The following ANKRD46 variants were observed in gnomAD, a reference collection of about 807,000 sequenced individuals.
The protein encoded by ANKRD46 is ankyrin repeat domain 46.
In ANKRD46, 13 loss-of-function variants were observed where a neutral mutation model predicts 19.8. That is an observed-to-expected ratio of 0.66 (90% CI 0.43 to 1.04). ANKRD46 has a LOEUF of 1.04. ANKRD46 is among the 50% of genes least tolerant of loss of function. ANKRD46 has a pLI of 0.00. For missense variants in ANKRD46, 185 were observed against 274.8 expected, an observed-to-expected ratio of 0.67 and a Z score of 2.31; for synonymous variants, 91 against 106.9, an observed-to-expected ratio of 0.85 and a Z score of 0.92.
At position 100,551,783 on chromosome 8, in the gene ANKRD46, C is replaced by T. The variant is rs916174161; in HGVS notation, c.-131+7928G>A. The T allele has an allele frequency of 6.7e-6, 3 of 448,150 alleles. No individual in the cohort carries two copies. In the East Asian group the frequency reaches 1.4e-4, roughly 21 times the overall value. 27.8% of individuals were successfully genotyped at this position (448,150 alleles called of 1,614,324 possible). On this transcript the variant is annotated intron_variant, in intron 1 of 4. Coordinates refer to ENST00000335659, the MANE Select transcript of ANKRD46 (RefSeq NM_001270377.2). ...AGTGACCTCAGCCAGCACCCATACC[C>T]ACCTCTCTTTTTGTTGAGTTTTAAG...
rs1410572889 is a variant in ANKRD46, at chr8:100,521,164, A to G, written c.*1391T>C. The G allele has an allele frequency of 2.0e-6, 2 of 985,132 alleles. No homozygotes were observed. Among genetic ancestry groups the G allele is most frequent in the East Asian group, 1.1e-4 (1 of 8,812 alleles). 61.0% of individuals were successfully genotyped at this position (985,132 alleles called of 1,614,324 possible). A position where few individuals can be genotyped will look rare whatever the true frequency, so the allele number is the denominator to read the frequency against. On this transcript the variant is annotated 3_prime_UTR_variant, in exon 5 of 5. Transcript: ENST00000335659. ...AAAGCCACATGAAAGAGCAAGCCTC[A>G]ATACTAGATACATAGATACAAGAGA...
downstream of ANKRD46, among the ~76,000 whole-genome samples, chr8:100,517,832 A>T (rs1489601000): frequency 6.6e-6 from 1 of 152,220 alleles, no homozygotes; most frequent in Non-Finnish European, 1.5e-5. Context: ...TGTTCTATTA[A>T]CTTTGGGAAA....
downstream of ANKRD46, among the ~76,000 whole-genome samples, chr8:100,516,531 A>C (rs982738729): frequency 1.3e-5 from 2 of 152,254 alleles, no homozygotes; most frequent in East Asian, 1.9e-4. Flanking sequence ...AAACAACTTA[A>C]GTAGGCTAAA....
intron 5 of ANKRD46, among the ~76,000 whole-genome samples, chr8:100,515,508 A>G (rs1811615547): frequency 6.6e-6 from 1 of 152,190 alleles, no homozygotes; most frequent in Non-Finnish European, 1.5e-5. Flanking sequence ...CCACATCCTC[A>G]GCTATGACTA....
chr8:100,520,057 G>A (rs1002663437), downstream of ANKRD46, among the ~76,000 whole-genome samples: 5 of 152,092 alleles, frequency 3.3e-5, no homozygotes, highest in Non-Finnish European at 7.4e-5. Flanking sequence ...ACAGAGAAAC[G>A]GATCAAGGAA....
Position 100,536,401 on chromosome 8 carries a change from T to G in ANKRD46, c.-130-3090A>C, listed in dbSNP as rs1812065519. Among the ~76,000 whole-genome samples, 2 of 152,132 alleles carry G rather than the reference T, an allele frequency of 1.3e-5. No homozygotes were observed. The highest frequency in any genetic ancestry group is 2.9e-5 in the Non-Finnish European group (2 of 68,024). ...AAAAACTTGATTACTCCACCCAGAA[T>G]GTATATGGAGCTGGACTGCCTGGGT... On this transcript the variant is annotated intron_variant, in intron 1 of 4. Transcript: ENST00000335659. This position sits in a 1 kb window ranked among gnomAD's most constrained non-coding sequence, Gnocchi z 4.9.
At chr8:100,558,350 C>T (rs1232447449) in intron 1 of ANKRD46, among the ~76,000 whole-genome samples, 2 of 152,126 alleles carry the variant, frequency 1.3e-5, no homozygotes. Flanking sequence ...CTTTGATTTC[C>T]CTCTGGTACT....
rs1418402130 is a variant in ANKRD46 at position 100,550,326 on chromosome 8, G to A, written c.-131+9385C>T. ...TAATCCACATTCTCACCAGCATTTG[G>A]TGTTGTCAGCGTTCTAGATTTTAGT... On this transcript the variant is annotated intron_variant, in intron 1 of 4. Coordinates refer to ENST00000335659, the MANE Select transcript of ANKRD46 (RefSeq NM_001270377.2). The surrounding 1 kb of genome is among the most constrained non-coding windows in gnomAD (Gnocchi z 4.4). 6.6e-6 allele frequency among the ~76,000 whole-genome samples: 1 copy of A among 152,168 alleles called. No individual in the cohort carries two copies. The highest frequency in any genetic ancestry group is 1.5e-5 in the Non-Finnish European group (1 of 68,030).
At chr8:100,512,124 T>C (rs545954992) in intron 5 of ANKRD46, among the ~76,000 whole-genome samples, 2 of 152,330 alleles carry the variant, frequency 1.3e-5, no homozygotes, top group East Asian at 1.9e-4. Flanking sequence ...AACTTCTTTA[T>C]TGTGAGAATG....
rs1563925170 is a variant in ANKRD46, at chr8:100,522,303, A to G, written c.*252T>C. 4 of 1,289,542 alleles carry G rather than the reference A, an allele frequency of 3.1e-6. No homozygotes were observed. Among genetic ancestry groups the G allele is most frequent in the Non-Finnish European group, 3.9e-6 (4 of 1,015,388 alleles). The allele number at this position is 1,289,542 out of a possible 1,614,324, so 79.9% of individuals were successfully genotyped here. On this transcript the variant is annotated 3_prime_UTR_variant, in exon 5 of 5. Coordinates refer to ENST00000335659, the MANE Select transcript of ANKRD46 (RefSeq NM_001270377.2). ...AGTCACTTCCGTGTTTTTATCAAAC[A>G]AGGCTACGTGTAGGCTTTCCTACAA...
rs1220932465 is a variant in ANKRD46 at position 100,529,778 on chromosome 8, G to C, written c.56C>G (p.Ala19Gly). 1.2e-6 allele frequency: 2 copies of C among 1,614,080 alleles called. No homozygotes were observed. The highest frequency in any genetic ancestry group is 1.3e-5 in the African/African-American group (1 of 74,912). The change falls in exon 3 of 5, where the codon GCC becomes GGC. Residue 19 changes from alanine (A) to glycine (G), a missense_variant. Ala to Gly is a moderately conservative substitution (Grantham distance 60). Transcript: ENST00000335659. This position sits in a 1 kb window ranked among gnomAD's most constrained non-coding sequence, Gnocchi z 5.8. ...SSQTNVPLLQ[A>G]CIDGDFNYSK... Reference sequence around the variant, plus strand: ...ATAATTAAAGTCCCCATCAATACAGGCTTGCAGCAAGGGCACGTTAGTCTG... The same window carrying C: ...ATAATTAAAGTCCCCATCAATACAGCCTTGCAGCAAGGGCACGTTAGTCTG...
chr8:100,530,096 C>T (rs539074604), intron 2 of ANKRD46, among the ~76,000 whole-genome samples: 3 of 152,250 alleles, frequency 2.0e-5, no homozygotes, highest in African/African-American at 4.8e-5. Flanking sequence ...CTCTATTTTG[C>T]TTTTCACCAT....
chr8:100,534,752 G>A lies in ANKRD46; in HGVS notation c.-130-1441C>T, dbSNP rs186755742. ...AATGTTCTCTTAAATCCACAAGAAG[G>A]ACAATGCTTCTGCAATTTTTTCTTT... On this transcript the variant is annotated intron_variant, in intron 1 of 4. Coordinates refer to ENST00000335659, the MANE Select transcript of ANKRD46 (RefSeq NM_001270377.2). The surrounding 1 kb of genome is among the most constrained non-coding windows in gnomAD (Gnocchi z 4.2). 2.0e-5 allele frequency among the ~76,000 whole-genome samples: 3 copies of A among 152,254 alleles called. No individual in the cohort carries two copies. The East Asian group carries it at 5.8e-4, about 29-fold the overall frequency.
At position 100,521,737 on chromosome 8, in the gene ANKRD46, A is replaced by C; in HGVS notation, c.*818T>G. 1 of 985,392 alleles carries C rather than the reference A, an allele frequency of 1.0e-6. No homozygotes were observed. Among genetic ancestry groups the C allele is most frequent in the African/African-American group, 1.7e-5 (1 of 57,370 alleles). The allele number at this position is 985,392 out of a possible 1,614,324, so 61.0% of individuals were successfully genotyped here. On this transcript the variant is annotated 3_prime_UTR_variant, in exon 5 of 5. Transcript: ENST00000335659. ...TAGCACTACAGAATTATGACAGTTA[A>C]ATATCAGAATTATTTTTCCCTGCTA... is the stretch of plus-strand genomic sequence containing the variant.
In ANKRD46 at chr8:100,550,746, GC is replaced by G; in HGVS notation, c.-131+8964del. The G allele has an allele frequency of 2.3e-6, 1 of 432,496 alleles. No individual in the cohort carries two copies. Among genetic ancestry groups the G allele is most frequent in the Non-Finnish European group, 4.5e-6 (1 of 221,914 alleles). The allele number at this position is 432,496 out of a possible 1,614,324, so 26.8% of individuals were successfully genotyped here. ...GTCTTACTCCTTGGAGGCCATATGGGCCACCACCCTGTTGCTGTAGCCAAAT... is the reference window on the plus strand; with the variant it reads ...GTCTTACTCCTTGGAGGCCATATGGGCACCACCCTGTTGCTGTAGCCAAAT... On this transcript the variant is annotated intron_variant, in intron 1 of 4. Coordinates refer to ENST00000335659, the MANE Select transcript of ANKRD46 (RefSeq NM_001270377.2). The surrounding 1 kb of genome is among the most constrained non-coding windows in gnomAD (Gnocchi z 4.4).
intron 1 of ANKRD46, among the ~76,000 whole-genome samples, chr8:100,549,107 C>T (rs1247074587): frequency 7.3e-6 from 1 of 137,672 alleles, no homozygotes; most frequent in East Asian, 2.0e-4. Context: ...GGAATACTAG[C>T]ATTAATGCTG....
chr8:100,517,905 A>C (rs1364385250), downstream of ANKRD46, among the ~76,000 whole-genome samples: 4 of 152,242 alleles, frequency 2.6e-5, no homozygotes, highest in African/African-American at 9.6e-5. Context: ...AGATGACTAC[A>C]TAAGGCTGGG....
In ANKRD46 at chr8:100,545,111, G is replaced by A. The variant is rs1812246406; in HGVS notation, c.-130-11800C>T. ...AGGCAGAGGTGGGAGAATTGCTTGA[G>A]CCCAGGCATTCGAGACAAGCCTGGG... On this transcript the variant is annotated intron_variant, in intron 1 of 4. Coordinates refer to ENST00000335659, the MANE Select transcript of ANKRD46 (RefSeq NM_001270377.2). The surrounding 1 kb of genome is among the most constrained non-coding windows in gnomAD (Gnocchi z 4.7). 6.6e-6 allele frequency among the ~76,000 whole-genome samples: 1 copy of A among 152,140 alleles called. No homozygotes were observed. Among genetic ancestry groups the A allele is most frequent in the Non-Finnish European group, 1.5e-5 (1 of 68,028 alleles).
Position 100,527,786 on chromosome 8 carries a change from G to A in ANKRD46, c.470+59C>T. On this transcript the variant is annotated intron_variant, in intron 4 of 4. Coordinates refer to ENST00000335659, the MANE Select transcript of ANKRD46 (RefSeq NM_001270377.2). The surrounding 1 kb of genome is among the most constrained non-coding windows in gnomAD (Gnocchi z 4.0). ...AGGCTGAGGCAGGAAGAATGCTTGA[G>A]CCCAGGAGTTCAAGGAATGAGTAAT... 1.3e-6 allele frequency: 2 copies of A among 1,525,106 alleles called. No homozygotes were observed. Among genetic ancestry groups the A allele is most frequent in the Non-Finnish European group, 8.8e-7 (1 of 1,131,542 alleles). 94.5% of individuals were successfully genotyped at this position (1,525,106 alleles called of 1,614,324 possible).
Sources: gnomAD v4.1 joint callset for allele counts (sites outside exome capture counted in the v4.1 genomes callset) on GRCh38, gnomAD v4.1.1 for gene constraint, Gnocchi (gnomAD v3.1) non-coding constraint, MANE v1.5 for transcripts, NCBI Gene and HGNC (gene_info 2026-07-23, HGNC 2026-07-21) for gene names.